NOX4: variants seen among roughly 807,000 people sequenced by gnomAD.
NOX4 encodes the protein kidney oxidase-1.
NOX4 carries 69 observed loss-of-function variants against 87.6 expected under a neutral mutation model. The observed-to-expected ratio is 0.79, with a 90% CI of 0.65 to 0.96. The LOEUF (loss-of-function observed/expected upper bound fraction) is 0.96. Ranked by LOEUF, NOX4 falls within the 40% of genes least tolerant of loss-of-function variation. The probability of loss-of-function intolerance (pLI) is 0.00; values close to 1 mark genes in which losing one functional copy is unlikely to be tolerated. For synonymous variants in NOX4, 275 were observed against 238.2 expected, an observed-to-expected ratio of 1.15 and a Z score of -1.42; for missense variants, 680 against 681.5, an observed-to-expected ratio of 1.00 and a Z score of 0.02.
chr11:89,555,824 G>A, the NOX4 span, among the ~76,000 whole-genome samples: 1 of 152,170 alleles, frequency 6.6e-6, no homozygotes, highest in African/African-American at 2.4e-5. Context: ...ATATTTAATA[G>A]CTAGTAAAAT....
chr11:89,533,645 A>G, the NOX4 span: 30 of 152,306 alleles, frequency 2.0e-4, no homozygotes, highest in African/African-American at 6.7e-4. Flanking sequence ...GTTCTTTGTT[A>G]TAGATAACAG....
At chr11:89,372,255 CTTAA>C (rs1939502525) in intron 12 of NOX4, among the ~76,000 whole-genome samples, 1 of 151,778 alleles carries the variant, frequency 6.6e-6, no homozygotes, top group South Asian at 2.1e-4. Flanking sequence ...CAACTAGCAA[CTTAA>C]TTAATACCAT....
chr11:89,381,687 T>G, intron 11 of NOX4, among the ~76,000 whole-genome samples: 1 of 120,658 alleles, frequency 8.3e-6, no homozygotes, highest in South Asian at 2.9e-4. Flanking sequence ...GTGCTGTGAT[T>G]TGGATCGGGG....
At chr11:89,572,999 C>A in the NOX4 span, among the ~76,000 whole-genome samples, 1 of 151,982 alleles carries the variant, frequency 6.6e-6, no homozygotes, top group East Asian at 1.9e-4. Flanking sequence ...ATTTATTCCT[C>A]TTTTACTATA....
chr11:89,435,803 A>G (rs1417322077), intron 6 of NOX4, among the ~76,000 whole-genome samples: 1 of 152,154 alleles, frequency 6.6e-6, no homozygotes, highest in African/African-American at 2.4e-5. Flanking sequence ...CTCATCTGCA[A>G]ACTAAGGAGA....
chr11:89,379,946 C>T (rs1940149779), intron 11 of NOX4, among the ~76,000 whole-genome samples: 1 of 152,100 alleles, frequency 6.6e-6, no homozygotes, highest in South Asian at 2.1e-4. Context: ...CCAGAGTGAT[C>T]CTGTTGAAAA....
intron 2 of NOX4, among the ~76,000 whole-genome samples, chr11:89,476,048 T>G (rs539966968): frequency 6.6e-6 from 1 of 152,222 alleles, no homozygotes; most frequent in Non-Finnish European, 1.5e-5. Flanking sequence ...TCCACTCATA[T>G]TCCATCTCAC....
intron 14 of NOX4, among the ~76,000 whole-genome samples, chr11:89,340,812 C>CTT (rs1373867289): frequency 1.3e-5 from 2 of 152,050 alleles, no homozygotes; most frequent in East Asian, 3.9e-4. Flanking sequence ...GTCCAAATAA[C>CTT]TTGTAATGTG....
chr11:89,391,739 CAAAAAAA>C (rs11419337), intron 11 of NOX4, among the ~76,000 whole-genome samples: 1 of 97,114 alleles, frequency 1.0e-5, no homozygotes, highest in Non-Finnish European at 2.2e-5. Flanking sequence ...GACCTTGTCT[CAAAAAAA>C]AAAAAAAAAA....
chr11:89,360,016 CTA>C lies in NOX4; in HGVS notation c.1136-4975_1136-4974del, dbSNP rs151114632. On this transcript the variant is annotated intron_variant, in intron 12 of 17. Transcript: ENST00000263317. ...TTAAGGGACATTAAAGATTAAGACT[CTA>C]TTAAAGTCTTTACCTTAGTTTTAAG... Among the ~76,000 whole-genome samples, 1,169 of 152,038 alleles carry C rather than the reference CTA, an allele frequency of 7.7e-3. 19 individuals carry two copies. Among genetic ancestry groups the C allele is most frequent in the African/African-American group, 0.027 (1,138 of 41,518 alleles).
chr11:89,519,722 TA>T, the NOX4 span, among the ~76,000 whole-genome samples: 1 of 152,044 alleles, frequency 6.6e-6, no homozygotes, highest in African/African-American at 2.4e-5. Context: ...CTATCTTAGC[TA>T]ACATATATAA....
the NOX4 span, among the ~76,000 whole-genome samples, chr11:89,522,860 A>G: frequency 6.6e-6 from 1 of 152,128 alleles, no homozygotes; most frequent in Admixed American, 6.5e-5. Flanking sequence ...AAGGGAAACA[A>G]AGCCCTTTAA....
the NOX4 span, among the ~76,000 whole-genome samples, chr11:89,514,956 G>A: frequency 6.6e-6 from 1 of 151,722 alleles, no homozygotes; most frequent in African/African-American, 2.4e-5. Context: ...TGTTTTTATT[G>A]CTGAGTATTA....
intron 13 of NOX4, among the ~76,000 whole-genome samples, chr11:89,347,369 T>A (rs946700883): frequency 1.3e-5 from 2 of 152,188 alleles, no homozygotes; most frequent in Admixed American, 1.3e-4. Context: ...AGGCAAGCAA[T>A]TGCTTTGAGA....
chr11:89,435,760 T>G (rs1944054394), intron 6 of NOX4, among the ~76,000 whole-genome samples: 1 of 152,132 alleles, frequency 6.6e-6, no homozygotes, highest in Non-Finnish European at 1.5e-5. Flanking sequence ...CTCTTGTTAC[T>G]GTCCCTTACA....
At chr11:89,393,607 C>A (rs1029284535) in intron 11 of NOX4, among the ~76,000 whole-genome samples, 1 of 152,006 alleles carries the variant, frequency 6.6e-6, no homozygotes, top group Admixed American at 6.6e-5. Flanking sequence ...AAGTTAAAAC[C>A]AGGTATTTTA....
chr11:89,343,348 C>T (rs1946083414), intron 13 of NOX4, among the ~76,000 whole-genome samples: 1 of 152,098 alleles, frequency 6.6e-6, no homozygotes, highest in Non-Finnish European at 1.5e-5. Context: ...ACTGACAGGC[C>T]TTCTGGGAGG....
At chr11:89,508,346 C>T in the NOX4 span, among the ~76,000 whole-genome samples, 1 of 152,212 alleles carries the variant, frequency 6.6e-6, no homozygotes, top group East Asian at 1.9e-4. Context: ...GGCCAGACAG[C>T]CCAGGTCACA....
chr11:89,484,243 T>C (rs550114907), intron 2 of NOX4, among the ~76,000 whole-genome samples: 142 of 152,240 alleles, frequency 9.3e-4, no homozygotes, highest in Non-Finnish European at 1.7e-3. Context: ...CAGTTAGCAT[T>C]TAGCTATATA....
Sources: allele counts gnomAD v4.1 joint callset (sites outside exome capture counted in the v4.1 genomes callset), GRCh38; gene constraint gnomAD v4.1.1; transcripts MANE v1.5; gene names NCBI Gene and HGNC (gene_info 2026-07-23, HGNC 2026-07-21).